TMEM116: variants seen among roughly 807,000 people sequenced by gnomAD.
The protein encoded by TMEM116 is transmembrane protein 116.
A neutral mutation model predicts 44.3 loss-of-function variants in TMEM116; 38 were observed. The ratio of observed to expected loss-of-function variants is 0.86; its 90% CI spans 0.66 to 1.12. TMEM116 has a LOEUF of 1.12. TMEM116 is among the 50% of genes most tolerant of loss of function. The pLI is 0.00. For synonymous variants in TMEM116, 132 were observed against 144.8 expected (o/e 0.91, Z 0.64); for missense variants, 354 against 401.7 (o/e 0.88, Z 1.01).
intron 4 of TMEM116, among the ~76,000 whole-genome samples, chr12:111,955,435 A>C (rs78108876): frequency 9.7e-4 from 148 of 152,318 alleles, no homozygotes; most frequent in African/African-American, 3.3e-3. Context: ...CTACAGGACA[A>C]TCATATATAT....
intron 4 of TMEM116, among the ~76,000 whole-genome samples, chr12:111,951,650 T>G (rs752797665): frequency 6.6e-6 from 1 of 151,864 alleles, no homozygotes; most frequent in Non-Finnish European, 1.5e-5. Context: ...CAACACACAC[T>G]GGGGCTTATC....
intron 4 of TMEM116, among the ~76,000 whole-genome samples, chr12:111,990,031 A>G (rs1032765735): frequency 2.6e-5 from 4 of 152,162 alleles, no homozygotes; most frequent in Admixed American, 6.5e-5. Context: ...CAAGACGGGC[A>G]GATCACGAGG....
intron 4 of TMEM116, among the ~76,000 whole-genome samples, chr12:111,951,223 G>A (rs2073709486): frequency 6.6e-6 from 1 of 152,228 alleles, no homozygotes; most frequent in South Asian, 2.1e-4. Flanking sequence ...TGGTAGGAGT[G>A]TAAATTAGTT....
At chr12:111,944,033 A>G (rs2073062204) in intron 4 of TMEM116, among the ~76,000 whole-genome samples, 1 of 152,150 alleles carries the variant, frequency 6.6e-6, no homozygotes, top group South Asian at 2.1e-4. Flanking sequence ...TCTAGTAATG[A>G]CAGGCTAAGC....
chr12:111,952,749 A>G (rs373759118), intron 4 of TMEM116, among the ~76,000 whole-genome samples: 32 of 151,906 alleles, frequency 2.1e-4, no homozygotes, highest in African/African-American at 7.5e-4. Flanking sequence ...TGAATGTCAG[A>G]CTCCAAGTTC....
chr12:111,972,698 G>A (rs2075419713), intron 4 of TMEM116, among the ~76,000 whole-genome samples: 1 of 152,036 alleles, frequency 6.6e-6, no homozygotes, highest in African/African-American at 2.4e-5. Flanking sequence ...AGCCAAAATG[G>A]TGAAACCCCG....
chr12:111,943,322 A>G lies in TMEM116; in HGVS notation c.258T>C (p.Tyr86=). Residue 86 remains tyrosine, a synonymous_variant, in exon 5 of 11, where the codon TAT becomes TAC. Coordinates refer to ENST00000552374, the MANE Select transcript of TMEM116 (RefSeq NM_001193531.2). ...SFLYTVNYIW[Y]LYTELRMKHT... is the part of the protein sequence containing the mutation. ...GTTTCATCCTCAGCTCTGTGTACAA[A>G]TACCAGATGTAATTGACGGTGTAGA... The G allele has an allele frequency of 2.5e-6, 4 of 1,614,118 alleles. No homozygotes were observed. Among genetic ancestry groups the G allele is most frequent in the Non-Finnish European group, 3.4e-6 (4 of 1,179,976 alleles).
chr12:111,953,872 T>TA (rs530606915), intron 4 of TMEM116, among the ~76,000 whole-genome samples: 123 of 152,300 alleles, frequency 8.1e-4, no homozygotes, highest in African/African-American at 3.0e-3. Context: ...AGAACACATT[T>TA]AAAACTATCA....
At chr12:111,984,008 G>A (rs896070880) in intron 4 of TMEM116, among the ~76,000 whole-genome samples, 5 of 152,092 alleles carry the variant, frequency 3.3e-5, no homozygotes, top group African/African-American at 9.7e-5. Flanking sequence ...GGAATGCAAC[G>A]ATGGTTCAAC....
At chr12:112,003,296 C>T (rs886791558) in intron 3 of TMEM116, among the ~76,000 whole-genome samples, 11 of 152,222 alleles carry the variant, frequency 7.2e-5, no homozygotes, top group South Asian at 4.2e-4. Flanking sequence ...GGGCTGGGCG[C>T]GGTGGCTCAC....
intron 4 of TMEM116, among the ~76,000 whole-genome samples, chr12:111,989,612 A>G (rs1337056547): frequency 6.6e-6 from 1 of 152,240 alleles, no homozygotes; most frequent in East Asian, 1.9e-4. Flanking sequence ...TCTATGCAAC[A>G]TAGTATTCAT....
At chr12:111,967,091 C>T (rs12423061) in intron 4 of TMEM116, among the ~76,000 whole-genome samples, 29,843 of 152,114 alleles carry the variant, frequency 0.2, 3,148 homozygotes, top group Middle Eastern at 0.27. Context: ...ACACCATACA[C>T]TCATAGAGAA....
chr12:111,979,018 G>A (rs1160970690), intron 4 of TMEM116, among the ~76,000 whole-genome samples: 1 of 152,038 alleles, frequency 6.6e-6, no homozygotes, highest in African/African-American at 2.4e-5. Context: ...ACTCAAGATG[G>A]ATCACAGATC....
chr12:111,956,852 C>CGGAT (rs1243284993), intron 4 of TMEM116, among the ~76,000 whole-genome samples: 2 of 152,166 alleles, frequency 1.3e-5, no homozygotes, highest in Non-Finnish European at 2.9e-5. Flanking sequence ...GGCGTGATCT[C>CGGAT]GGATCGCTAC....
intron 3 of TMEM116, among the ~76,000 whole-genome samples, chr12:111,994,605 A>G (rs2076826173): frequency 6.6e-6 from 1 of 152,186 alleles, no homozygotes; most frequent in African/African-American, 2.4e-5. Context: ...TTAATGTAAC[A>G]TCGGTATGCA....
chr12:111,960,493 A>G (rs1488617793), intron 4 of TMEM116, among the ~76,000 whole-genome samples: 6 of 97,272 alleles, frequency 6.2e-5, no homozygotes, highest in African/African-American at 9.4e-5. Flanking sequence ...CTCCGTCTCA[A>G]AAAAAAAAAA....
intron 4 of TMEM116, among the ~76,000 whole-genome samples, chr12:111,955,494 A>C (rs1331443093): frequency 1.3e-5 from 2 of 152,224 alleles, no homozygotes; most frequent in African/African-American, 4.8e-5. Context: ...GGAATAAAAA[A>C]ATCTGAGGTT....
chr12:111,977,895 C>T (rs2075753091), intron 4 of TMEM116, among the ~76,000 whole-genome samples: 1 of 151,564 alleles, frequency 6.6e-6, no homozygotes, highest in Admixed American at 6.6e-5. Flanking sequence ...AAAAACTATA[C>T]TTAAAAATTA....
intron 4 of TMEM116, among the ~76,000 whole-genome samples, chr12:111,984,197 A>G (rs144721102): frequency 5.6e-4 from 86 of 152,308 alleles, no homozygotes; most frequent in African/African-American, 1.9e-3. Context: ...TCTCAGCAAA[A>G]TAAAGGCCAG....
Sources: allele counts gnomAD v4.1 joint callset (sites outside exome capture counted in the v4.1 genomes callset), GRCh38; gene constraint gnomAD v4.1.1; transcripts MANE v1.5; gene names NCBI Gene and HGNC (gene_info 2026-07-23, HGNC 2026-07-21).